Variants in BNC2 observed in about 807,000 individuals in gnomAD.
BNC2 encodes basonuclin zinc finger protein 2.
Under a neutral mutation model 76.3 loss-of-function variants are expected in BNC2, and 20 were observed. The observed-to-expected ratio is 0.26, with a 90% CI of 0.18 to 0.38. BNC2 has a LOEUF of 0.38. Among genes scored for constraint, BNC2 ranks in the 10% least tolerant of loss-of-function variants. The pLI, the probability that BNC2 is intolerant of heterozygous loss-of-function variation, is 1.00. For missense variants in BNC2, 1,382 were observed against 1,399.8 expected (o/e 0.99, Z 0.20); for synonymous variants, 582 against 514.8 (o/e 1.13, Z -1.77).
chr9:16,832,569 A>G (rs1818601066), intron 1 of BNC2, among the ~76,000 whole-genome samples: 1 of 152,210 alleles, frequency 6.6e-6, no homozygotes. Flanking sequence ...TAATAAACAC[A>G]GAATATTCTC....
At chr9:16,593,293 T>C (rs1819982103) in intron 3 of BNC2, among the ~76,000 whole-genome samples, 1 of 152,098 alleles carries the variant, frequency 6.6e-6, no homozygotes, top group Non-Finnish European at 1.5e-5. Context: ...TGTGTGAATA[T>C]ATAAATACAA....
At position 16,419,143 on chromosome 9, in the gene BNC2, G is replaced by A; in HGVS notation, c.3146C>T (p.Thr1049Ile). The change falls in exon 7 of 7, where the codon ACC (threonine) becomes ATC (isoleucine). Residue 1049 changes from threonine to isoleucine, a missense_variant. By Grantham distance (89) the Thr-to-Ile change is moderately conservative. Transcript: ENST00000380672. ...ICHKMYSNKG[T>I]LRVHYKTVHL... ...CACAGTTTTGTAGTGCACTCTCAGG[G>A]TCCCCTTGTTGCTGTACATTTTGTG... 1 of 1,614,152 alleles carries A rather than the reference G, an allele frequency of 6.2e-7. No homozygotes were observed. The highest frequency in any genetic ancestry group is 8.5e-7 in the Non-Finnish European group (1 of 1,180,044).
At chr9:16,481,360 C>G (rs1193001444) in intron 5 of BNC2, among the ~76,000 whole-genome samples, 1 of 152,092 alleles carries the variant, frequency 6.6e-6, no homozygotes, top group African/African-American at 2.4e-5. Context: ...TCTTTCGCTC[C>G]TTGCAATAAA....
At chr9:16,537,344 A>C (rs774852278) in intron 5 of BNC2, among the ~76,000 whole-genome samples, 1 of 152,144 alleles carries the variant, frequency 6.6e-6, no homozygotes, top group Non-Finnish European at 1.5e-5. Flanking sequence ...TTATTTGAAA[A>C]ATCTTTTAAA....
chr9:16,595,146 T>C (rs1820031304), intron 3 of BNC2, among the ~76,000 whole-genome samples: 2 of 152,176 alleles, frequency 1.3e-5, no homozygotes, highest in Non-Finnish European at 2.9e-5. Flanking sequence ...TGAGACAAGA[T>C]ATTCCCAGGA....
chr9:16,645,726 AAATT>A (rs1821605466), intron 3 of BNC2, among the ~76,000 whole-genome samples: 1 of 152,208 alleles, frequency 6.6e-6, no homozygotes, highest in African/African-American at 2.4e-5. Context: ...GATTATATAT[AAATT>A]AATGTACATA....
intron 3 of BNC2, among the ~76,000 whole-genome samples, chr9:16,708,681 G>C (rs1368699239): frequency 6.6e-6 from 1 of 152,104 alleles, no homozygotes; most frequent in African/African-American, 2.4e-5. Flanking sequence ...ATGAGATGGG[G>C]AGGAGCAAAA....
At chr9:16,523,101 T>C (rs1341805264) in intron 5 of BNC2, among the ~76,000 whole-genome samples, 3 of 152,150 alleles carry the variant, frequency 2.0e-5, no homozygotes, top group Admixed American at 6.5e-5. Context: ...CGAGTTTCAG[T>C]GTCTATTCGT....
At chr9:16,458,685 T>C (rs1035982916) in intron 5 of BNC2, among the ~76,000 whole-genome samples, 5 of 152,252 alleles carry the variant, frequency 3.3e-5, no homozygotes, top group East Asian at 1.9e-4. Flanking sequence ...ACTTAACTAA[T>C]GGGCTATCAT....
intron 1 of BNC2, among the ~76,000 whole-genome samples, chr9:16,801,429 G>A (rs527759068): frequency 1.3e-5 from 2 of 151,426 alleles, no homozygotes; most frequent in Non-Finnish European, 2.9e-5. Flanking sequence ...GTAGAGATGG[G>A]GTTTCACCAT....
At chr9:16,800,766 A>G (rs1214347610) in intron 1 of BNC2, among the ~76,000 whole-genome samples, 2 of 152,196 alleles carry the variant, frequency 1.3e-5, no homozygotes, top group African/African-American at 4.8e-5. Context: ...CAACATCAAC[A>G]TCTGGTACCT....
At chr9:16,475,405 G>A (rs112418624) in intron 5 of BNC2, among the ~76,000 whole-genome samples, 4 of 152,218 alleles carry the variant, frequency 2.6e-5, no homozygotes, top group African/African-American at 9.6e-5. Context: ...AAGCTAATGG[G>A]CTCTCTACTT....
intron 1 of BNC2, among the ~76,000 whole-genome samples, chr9:16,813,636 G>A (rs1818112994): frequency 6.6e-6 from 1 of 152,096 alleles, no homozygotes; most frequent in Non-Finnish European, 1.5e-5. Context: ...GGAAAGAGGG[G>A]ATGAATAATC....
rs534243790 is a variant in BNC2 at position 16,525,881 on chromosome 9, TAA to T, written c.669+26647_669+26648del. 4.5e-4 allele frequency among the ~76,000 whole-genome samples: 69 copies of T among 152,326 alleles called. 1 individual carries two copies. The highest frequency in any genetic ancestry group is 3.4e-3 in the Middle Eastern group (1 of 294). The stretch of plus-strand genomic sequence containing the variant: ...TTACTTTCAACCACAGTCCTTTATA[TAA>T]TTTTTTTTTGCTAAAGGCATGTATT... On this transcript the variant is annotated intron_variant, in intron 5 of 6. Coordinates refer to ENST00000380672, the MANE Select transcript of BNC2 (RefSeq NM_017637.6).
chr9:16,746,844 C>A (rs1283162814), intron 1 of BNC2, among the ~76,000 whole-genome samples: 3 of 151,560 alleles, frequency 2.0e-5, no homozygotes, highest in Non-Finnish European at 4.4e-5. Context: ...TGCCTGTAAT[C>A]CCAGCTACTT....
intron 5 of BNC2, among the ~76,000 whole-genome samples, chr9:16,451,753 C>T (rs1468387185): frequency 2.0e-5 from 3 of 152,212 alleles, no homozygotes; most frequent in African/African-American, 7.2e-5. Flanking sequence ...TGACCTGCCC[C>T]TTCAGTGATC....
chr9:16,727,943 G>C lies in BNC2; in HGVS notation c.184C>G (p.Pro62Ala). Residue 62 changes from proline (P) to alanine (A), a missense_variant, in exon 3 of 7, where the codon CCA becomes GCA. By Grantham distance (27) the Pro-to-Ala change is conservative (BLOSUM62 -1). Around this residue, in one of 3 missense-constraint regions of BNC2, gnomAD observed 557 missense variants for 540.9 expected, o/e 1.03. Transcript: ENST00000380672. ...RERETQRDREPKRARDLTLRD... is the reference protein window; with the variant it reads ...RERETQRDREAKRARDLTLRD... Reference sequence around the variant, plus strand: ...AAAGTCAAGTCTCTTGCCCTCTTTGGCTCTCTGTCTCTCTGTGTCTCTCTT... The same window carrying C: ...AAAGTCAAGTCTCTTGCCCTCTTTGCCTCTCTGTCTCTCTGTGTCTCTCTT... 6.2e-7 allele frequency: 1 copy of C among 1,614,036 alleles called. No homozygotes were observed. Among genetic ancestry groups the C allele is most frequent in the Non-Finnish European group, 8.5e-7 (1 of 1,179,990 alleles).
intron 3 of BNC2, among the ~76,000 whole-genome samples, chr9:16,682,681 T>C (rs1456490826): frequency 2.6e-5 from 4 of 152,182 alleles, no homozygotes; most frequent in East Asian, 3.9e-4. Context: ...TTATAAAACA[T>C]CACAGCAAAT....
At chr9:16,830,078 G>C (rs1481654308) in intron 1 of BNC2, among the ~76,000 whole-genome samples, 1 of 152,156 alleles carries the variant, frequency 6.6e-6, no homozygotes, top group Non-Finnish European at 1.5e-5. Flanking sequence ...GGTCTGTAAA[G>C]AAATTTACAA....
Sources: gnomAD v4.1 joint callset for allele counts (sites outside exome capture counted in the v4.1 genomes callset) on GRCh38, gnomAD v4.1.1 for gene constraint, gnomAD v4.1.1 regional missense constraint, MANE v1.5 for transcripts, NCBI Gene and HGNC (gene_info 2026-07-23, HGNC 2026-07-21) for gene names.